The following BCOR variants were observed in gnomAD, a reference collection of about 807,000 sequenced individuals.
BCOR encodes the protein BCL6 corepressor.
In BCOR, 10 loss-of-function variants were observed where a neutral mutation model predicts 86.7. That is an observed-to-expected ratio of 0.12 (90% CI 0.07 to 0.20). The LOEUF is 0.20. Among genes scored for constraint, BCOR ranks in the 10% least tolerant of loss-of-function variants. The pLI is 1.00. For synonymous variants in BCOR, 611 were observed against 609.0 expected, an observed-to-expected ratio of 1.00 and a Z score of -0.05; for missense variants, 1,259 against 1,452.1, an observed-to-expected ratio of 0.87 and a Z score of 2.16.
Position 40,052,243 on chromosome X carries a change from C to T in BCOR, c.5134G>A (p.Asp1712Asn), listed in dbSNP as rs148195891. Reference sequence around the variant, plus strand: ...CTTTCAGGGTTGAAGGCTTCCAGGTCTTTGGAGCAAGAGAACAAGAGACTT... The same window carrying T: ...CTTTCAGGGTTGAAGGCTTCCAGGTTTTTGGAGCAAGAGAACAAGAGACTT... ...SASLLFSCSK[D>N]LEAFNPESKE... is the part of the protein sequence containing the mutation. Residue 1712 changes from aspartate to asparagine, a missense_variant, in exon 15 of 15, where the codon GAC becomes AAC. Coordinates refer to ENST00000378444, the MANE Select transcript of BCOR (RefSeq NM_001123385.2). The T allele has an allele frequency of 5.7e-5, 69 of 1,210,419 alleles. No individual in the cohort carries two copies. Among genetic ancestry groups the T allele is most frequent in the Non-Finnish European group, 7.7e-5 (69 of 895,369 alleles).
chrX:40,091,789 C>T (rs1281501387), intron 1 of BCOR, among the ~76,000 whole-genome samples: 1 of 112,931 alleles, frequency 8.9e-6, no homozygotes, highest in Non-Finnish European at 1.9e-5. Flanking sequence ...TAGGCCTCAG[C>T]AGCGCGTCCG....
chrX:40,159,504 G>T (rs938734009), intron 1 of BCOR, among the ~76,000 whole-genome samples: 2 of 110,767 alleles, frequency 1.8e-5, no homozygotes, highest in Non-Finnish European at 3.8e-5. Flanking sequence ...CTGCCAACGC[G>T]CCCGGCTAAT....
chrX:40,083,330 G>A (rs1409667698), intron 1 of BCOR, among the ~76,000 whole-genome samples: 22 of 110,998 alleles, frequency 2.0e-4, no homozygotes, highest in African/African-American at 6.5e-4. Context: ...AGAGTTGGGG[G>A]TGAGGGAAGT....
At chrX:40,064,092 C>T in intron 7 of BCOR, 140 bp from the exon 8 acceptor site, 2 of 639,614 alleles carry the variant, frequency 3.1e-6, no homozygotes, top group South Asian at 5.8e-5. Context: ...CATCTTTGGC[C>T]ATCTGGGTTC....
intron 1 of BCOR, among the ~76,000 whole-genome samples, chrX:40,138,188 G>T (rs1937729042): frequency 8.9e-6 from 1 of 112,023 alleles, no homozygotes. Context: ...CCGACCTCAG[G>T]TGATCCACCC....
At chrX:40,140,705 A>G (rs1195654514) in intron 1 of BCOR, among the ~76,000 whole-genome samples, 1 of 112,589 alleles carries the variant, frequency 8.9e-6, no homozygotes, top group East Asian at 2.8e-4. Flanking sequence ...GAGAGGCTTG[A>G]ACGAATGCTA....
At chrX:40,113,756 TG>T (rs1891920212) in intron 1 of BCOR, among the ~76,000 whole-genome samples, 1 of 109,663 alleles carries the variant, frequency 9.1e-6, no homozygotes, top group Non-Finnish European at 1.9e-5. Context: ...CACATATTGA[TG>T]AAAAAAAAAT....
In BCOR at chrX:40,076,961, A is replaced by G. The variant is rs1232593939; in HGVS notation, c.87-429T>C. The G allele has an allele frequency of 2.2e-5, 7 of 316,024 alleles. No individual in the cohort carries two copies. In the East Asian group the frequency reaches 6.9e-4, roughly 31 times the overall value. 26.0% of individuals were successfully genotyped at this position (316,024 alleles called of 1,213,427 possible). A position where few individuals can be genotyped will look rare whatever the true frequency, so the allele number is the denominator to read the frequency against. ...AGGGGGCTGGAAGGCTGGTCGTGTC[A>G]TCAACCACTTCCGTGTTACCCAGGA... On this transcript the variant is annotated intron_variant, in intron 2 of 14. Transcript: ENST00000378444.
chrX:40,145,247 T>C lies in BCOR; in HGVS notation c.-41+31760A>G, dbSNP rs368753890. ...AGCCGGCGGGGCGCAGGCGAACAGC[T>C]CCGGACTGGGCCCACACCCCTGGAA... On this transcript the variant is annotated intron_variant, in intron 1 of 14. Transcript: ENST00000342274. Among the ~76,000 whole-genome samples the C allele has an allele frequency of 2.4e-4, 27 of 110,720 alleles. No homozygotes were observed. In the South Asian group the frequency reaches 4.5e-3, roughly 19 times the overall value.
chrX:40,104,717 C>T (rs1168129984), intron 1 of BCOR, among the ~76,000 whole-genome samples: 1 of 112,876 alleles, frequency 8.9e-6, no homozygotes, highest in African/African-American at 3.2e-5. Flanking sequence ...GGGCCTGCCG[C>T]GGACGGATTG....
At chrX:40,145,628 T>A in intron 1 of BCOR, among the ~76,000 whole-genome samples, 1 of 111,762 alleles carries the variant, frequency 8.9e-6, no homozygotes, top group African/African-American at 3.3e-5. Context: ...ACAAAGCTAC[T>A]TTCAGATTCA....
intron 1 of BCOR, among the ~76,000 whole-genome samples, chrX:40,095,948 G>C (rs1442250305): frequency 8.9e-6 from 1 of 112,385 alleles, no homozygotes; most frequent in Non-Finnish European, 1.9e-5. Context: ...GAAGCCCGCC[G>C]GGACCACGCG....
chrX:40,057,746 A>G (rs1047157935), intron 10 of BCOR, among the ~76,000 whole-genome samples: 24 of 112,346 alleles, frequency 2.1e-4, no homozygotes, highest in African/African-American at 7.8e-4. Flanking sequence ...TCCTCACTCA[A>G]TCGATTCATC....
At chrX:40,146,059 A>G (rs1938044416) in intron 1 of BCOR, among the ~76,000 whole-genome samples, 1 of 111,492 alleles carries the variant, frequency 9.0e-6, no homozygotes, top group African/African-American at 3.3e-5. Flanking sequence ...CGTAGGAACA[A>G]TTCCCCACCC....
At chrX:40,112,299 T>C (rs375727397) in intron 1 of BCOR, among the ~76,000 whole-genome samples, 1 of 111,563 alleles carries the variant, frequency 9.0e-6, no homozygotes, top group Non-Finnish European at 1.9e-5. Flanking sequence ...ACTTACATTT[T>C]TTTTTTCTAG....
chrX:40,175,371 C>CCT (rs1226859305), intron 1 of BCOR, among the ~76,000 whole-genome samples: 2 of 113,435 alleles, frequency 1.8e-5, no homozygotes, highest in Non-Finnish European at 3.7e-5. Context: ...CCCGCGCGAT[C>CCT]CTCTCTCCTT....
chrX:40,099,194 G>C (rs947298196), upstream of BCOR, among the ~76,000 whole-genome samples: 15 of 111,702 alleles, frequency 1.3e-4, no homozygotes, highest in Non-Finnish European at 2.6e-4. Context: ...CAGCGCACCC[G>C]GCGCGGCTCT....
chrX:40,071,262 C>G (rs2147183947), intron 5 of BCOR, 103 bp from the exon 6 acceptor site: 1 of 787,614 alleles, frequency 1.3e-6, no homozygotes, highest in Non-Finnish European at 1.8e-6. Flanking sequence ...AGAAAAGTGC[C>G]CAAAACCAAC....
At chrX:40,161,898 A>C (rs1938431615) in intron 1 of BCOR, among the ~76,000 whole-genome samples, 2 of 111,518 alleles carry the variant, frequency 1.8e-5, no homozygotes, top group Non-Finnish European at 3.8e-5. Context: ...CATATTCATA[A>C]ACCAAAGAAA....
Sources: allele counts gnomAD v4.1 joint callset (sites outside exome capture counted in the v4.1 genomes callset), GRCh38; gene constraint gnomAD v4.1.1; transcripts MANE v1.5; gene names NCBI Gene and HGNC (gene_info 2026-07-23, HGNC 2026-07-21).